The following SPEN variants were observed in gnomAD, a reference collection of about 807,000 sequenced individuals.
SPEN encodes spen family transcriptional repressor.
Under a neutral mutation model 269.9 loss-of-function variants are expected in SPEN, and 18 were observed. The observed-to-expected ratio is 0.07, with a 90% CI of 0.05 to 0.10. The LOEUF is 0.10. SPEN is among the 10% of genes least tolerant of loss of function. SPEN has a pLI of 1.00. For missense variants in SPEN, 3,822 were observed against 4,631.2 expected (o/e 0.83, Z 5.07); for synonymous variants, 1,726 against 1,765.7 (o/e 0.98, Z 0.56).
Position 15,934,400 on chromosome 1 carries a change from C to A in SPEN, c.8160C>A (p.Ala2720=). Residue 2720 remains alanine (A), a synonymous_variant, in exon 11 of 15, where the codon GCC becomes GCA. Coordinates refer to ENST00000375759, the MANE Select transcript of SPEN (RefSeq NM_015001.3). The surrounding 1 kb of genome is among the most constrained non-coding windows in gnomAD (Gnocchi z 9.2). The part of the protein sequence containing the change: ...PVNATVGTVN[A]APGTVNAAAS... ...ACGCCACGGTGGGCACAGTGAATGCCGCCCCAGGCACAGTCAATGCCGCTG... is the reference window on the plus strand; with the variant it reads ...ACGCCACGGTGGGCACAGTGAATGCAGCCCCAGGCACAGTCAATGCCGCTG... 6.2e-7 allele frequency: 1 copy of A among 1,613,710 alleles called. No homozygotes were observed. Among genetic ancestry groups the A allele is most frequent in the Non-Finnish European group, 8.5e-7 (1 of 1,180,030 alleles).
At chr1:15,864,642 G>A (rs1457696574) in intron 1 of SPEN, among the ~76,000 whole-genome samples, 10 of 127,094 alleles carry the variant, frequency 7.9e-5, no homozygotes, top group Admixed American at 2.8e-4. Flanking sequence ...ACAAGGTCTC[G>A]CTCTGTCACC....
chr1:15,870,115 C>T (rs2070558244), intron 1 of SPEN, among the ~76,000 whole-genome samples: 1 of 152,078 alleles, frequency 6.6e-6, no homozygotes, highest in Admixed American at 6.6e-5. Flanking sequence ...GGTGATCCAC[C>T]TGCCTCGGCC....
In SPEN at chr1:15,848,331, C is replaced by T. The variant is rs2070295430; in HGVS notation, c.83+181C>T. On this transcript the variant is annotated intron_variant, in intron 1 of 14. Transcript: ENST00000375759. The surrounding 1 kb of genome is among the most constrained non-coding windows in gnomAD (Gnocchi z 5.1). Reference sequence around the variant, plus strand: ...CGCGGCGTTGGGCCTCGGGTGTCGGCGGTGCGGGCGGCCAAGCCGCGCCGC... The same window carrying T: ...CGCGGCGTTGGGCCTCGGGTGTCGGTGGTGCGGGCGGCCAAGCCGCGCCGC... Among the ~76,000 whole-genome samples, 1 of 151,132 alleles carries T rather than the reference C, an allele frequency of 6.6e-6. No homozygotes were observed. Among genetic ancestry groups the T allele is most frequent in the Non-Finnish European group, 1.5e-5 (1 of 67,658 alleles).
At chr1:15,851,267 C>T (rs2070332586) in intron 1 of SPEN, among the ~76,000 whole-genome samples, 2 of 152,158 alleles carry the variant, frequency 1.3e-5, no homozygotes, top group Admixed American at 1.3e-4. Flanking sequence ...AGAACATTTA[C>T]AAAAATTGGC....
intron 1 of SPEN, among the ~76,000 whole-genome samples, chr1:15,856,389 C>G (rs998821568): frequency 6.6e-6 from 1 of 152,044 alleles, no homozygotes; most frequent in African/African-American, 2.4e-5. Context: ...TAACTTCTTA[C>G]TGGGATCTAA....
intron 3 of SPEN, among the ~76,000 whole-genome samples, chr1:15,878,369 T>G (rs2148712891): frequency 6.6e-6 from 1 of 152,320 alleles, no homozygotes; most frequent in South Asian, 2.1e-4. Flanking sequence ...AACATTTTGT[T>G]TATCCCTCTG....
At chr1:15,867,755 A>G (rs2070529286) in intron 1 of SPEN, among the ~76,000 whole-genome samples, 1 of 149,266 alleles carries the variant, frequency 6.7e-6, no homozygotes, top group Non-Finnish European at 1.5e-5. Flanking sequence ...GAAATGGTAT[A>G]TAATTGTGAT....
In SPEN at chr1:15,929,512, T is replaced by C. The variant is rs848209; in HGVS notation, c.3272T>C (p.Leu1091Pro). The C allele has an allele frequency of 0.59, 957,621 of 1,613,020 alleles. 291,367 individuals are homozygous for C. The highest frequency in any genetic ancestry group is 0.92 in the African/African-American group (69,113 of 74,864). Reference protein sequence around the residue: ...SSDLQARLGELAGESVENQEV... With the variant: ...SSDLQARLGEPAGESVENQEV... ...GACCTACAAGCAAGACTGGGAGAAC[T>C]AGCAGGTGAATCTGTGGAAAATCAA... Residue 1091 changes from leucine to proline, a missense_variant, in exon 11 of 15, where the codon CTA becomes CCA. Physicochemically the swap from Leu to Pro is moderately conservative, Grantham distance 98 (BLOSUM62 -3). Coordinates refer to ENST00000375759, the MANE Select transcript of SPEN (RefSeq NM_015001.3). This position sits in a 1 kb window ranked among gnomAD's most constrained non-coding sequence, Gnocchi z 5.8.
intron 3 of SPEN, among the ~76,000 whole-genome samples, chr1:15,879,200 A>T (rs113287553): frequency 8.6e-5 from 13 of 151,072 alleles, no homozygotes; most frequent in Admixed American, 3.3e-4. Flanking sequence ...AATTATCTGG[A>T]GGTGGTGGTG....
At chr1:15,865,351 C>A (rs1009514967) in intron 1 of SPEN, among the ~76,000 whole-genome samples, 1 of 150,384 alleles carries the variant, frequency 6.6e-6, no homozygotes, top group Non-Finnish European at 1.5e-5. Flanking sequence ...CCACGCCTGG[C>A]GAGTGTGTTT....
intron 3 of SPEN, among the ~76,000 whole-genome samples, chr1:15,904,924 T>C (rs2070940808): frequency 6.6e-6 from 1 of 151,762 alleles, no homozygotes. Flanking sequence ...GTTTCGCCCT[T>C]ATTGCCCAGG....
intron 3 of SPEN, among the ~76,000 whole-genome samples, chr1:15,888,352 C>T (rs1018041782): frequency 2.0e-5 from 3 of 150,778 alleles, no homozygotes; most frequent in Admixed American, 6.6e-5. Context: ...AGGCAAGAGT[C>T]TTGCTCTGTT....
chr1:15,933,078 G>A lies in SPEN; in HGVS notation c.6838G>A (p.Glu2280Lys). The stretch of plus-strand genomic sequence containing the variant: ...CATCCTGGAAACTGAGGCTGCTACA[G>A]AATCTTCTAGGCCTCCAGTCAATGC... ...SGILETEAAT[E>K]SSRPPVNAPD... The change falls in exon 11 of 15, where the codon GAA becomes AAA. Residue 2280 changes from glutamate (E) to lysine (K), a missense_variant. Coordinates refer to ENST00000375759, the MANE Select transcript of SPEN (RefSeq NM_015001.3). This position sits in a 1 kb window ranked among gnomAD's most constrained non-coding sequence, Gnocchi z 5.7. The A allele has an allele frequency of 6.2e-7, 1 of 1,614,148 alleles. No individual in the cohort carries two copies. The highest frequency in any genetic ancestry group is 8.5e-7 in the Non-Finnish European group (1 of 1,179,980).
At chr1:15,876,082 C>A in intron 2 of SPEN, 120 bp from the exon 3 acceptor site, 1 of 724,122 alleles carries the variant, frequency 1.4e-6, no homozygotes, top group Non-Finnish European at 2.3e-6. Context: ...TAGGTTAATG[C>A]TGTTTAGAAA....
chr1:15,916,311 G>T, intron 6 of SPEN, 32 bp downstream of exon 6: 5 of 1,600,048 alleles, frequency 3.1e-6, no homozygotes, highest in Non-Finnish European at 4.3e-6. Flanking sequence ...AACAATTTTA[G>T]GTCTTTGTCA....
intron 3 of SPEN, among the ~76,000 whole-genome samples, chr1:15,908,694 G>A (rs750168233): frequency 6.6e-6 from 1 of 152,102 alleles, no homozygotes; most frequent in Non-Finnish European, 1.5e-5. Flanking sequence ...CATTACAGGC[G>A]TGAGCCACTG....
At position 15,935,210 on chromosome 1, in the gene SPEN, G is replaced by C. The variant is rs758501724; in HGVS notation, c.8970G>C (p.Leu2990=). ...STLTPHHPPA[L]PSKLPTEVNH... is the part of the protein sequence containing the mutation. ...TCACGCCCCACCACCCTCCTGCTCTGCCCAGCAAACTGCCTACAGAAGTCA... is the reference window on the plus strand; with the variant it reads ...TCACGCCCCACCACCCTCCTGCTCTCCCCAGCAAACTGCCTACAGAAGTCA... Residue 2990 remains leucine (L), a synonymous_variant, in exon 11 of 15, where the codon CTG becomes CTC. Coordinates refer to ENST00000375759, the MANE Select transcript of SPEN (RefSeq NM_015001.3). This position sits in a 1 kb window ranked among gnomAD's most constrained non-coding sequence, Gnocchi z 7.7. 2 of 1,613,950 alleles carry C rather than the reference G, an allele frequency of 1.2e-6. No individual in the cohort carries two copies. Among genetic ancestry groups the C allele is most frequent in the African/African-American group, 2.7e-5 (2 of 74,908 alleles).
Position 15,935,941 on chromosome 1 carries a change from C to T in SPEN, c.9701C>T (p.Ala3234Val). 1 of 1,610,026 alleles carries T rather than the reference C, an allele frequency of 6.2e-7. No homozygotes were observed. Among genetic ancestry groups the T allele is most frequent in the Non-Finnish European group, 8.5e-7 (1 of 1,179,330 alleles). The change falls in exon 11 of 15, where the codon GCC becomes GTC. Residue 3234 changes from alanine (A) to valine (V), a missense_variant. Ala to Val is a moderately conservative substitution (Grantham distance 64). Transcript: ENST00000375759. This position sits in a 1 kb window ranked among gnomAD's most constrained non-coding sequence, Gnocchi z 7.7. ...CCTCAGCAGCCAGGGAAGGAAGCTG[C>T]CAAGACACCAGATGCCAAAGCTGCC... ...KAPQQPGKEA[A>V]KTPDAKAAPT...
At chr1:15,919,115 GTT>G (rs35883633) in intron 7 of SPEN, 64 bp downstream of exon 7, 6 of 1,297,184 alleles carry the variant, frequency 4.6e-6, no homozygotes, top group Non-Finnish European at 4.2e-6. Context: ...GACTTGAAGG[GTT>G]TTTTTTTTGC....
Sources: gnomAD v4.1 joint callset for allele counts (sites outside exome capture counted in the v4.1 genomes callset) on GRCh38, gnomAD v4.1.1 for gene constraint, Gnocchi (gnomAD v3.1) non-coding constraint, MANE v1.5 for transcripts, NCBI Gene and HGNC (gene_info 2026-07-23, HGNC 2026-07-21) for gene names.